RILPL1: variants seen among roughly 807,000 people sequenced by gnomAD.
RILPL1 encodes Rab interacting lysosomal protein like 1.
A neutral mutation model predicts 50.3 loss-of-function variants in RILPL1; 33 were observed. The observed-to-expected ratio is 0.66, with a 90% CI of 0.50 to 0.88. RILPL1 has a LOEUF of 0.88. Among genes scored for constraint, RILPL1 ranks in the 40% least tolerant of loss-of-function variants. The probability of loss-of-function intolerance (pLI) is 0.00; values close to 1 mark genes in which losing one functional copy is unlikely to be tolerated. For synonymous variants in RILPL1, 205 were observed against 228.6 expected (o/e 0.90, Z 0.93); for missense variants, 418 against 542.5 (o/e 0.77, Z 2.28).
rs371685698 is a variant in RILPL1 at position 123,499,452 on chromosome 12, C to T, written c.545G>A (p.Arg182Lys). The T allele has an allele frequency of 5.6e-6, 9 of 1,613,968 alleles. No individual in the cohort carries two copies. Among genetic ancestry groups the T allele is most frequent in the Non-Finnish European group, 6.8e-6 (8 of 1,179,848 alleles). Residue 182 changes from arginine to lysine, a missense_variant, in exon 3 of 7, where the codon AGG becomes AAG. Coordinates refer to ENST00000376874, the MANE Select transcript of RILPL1 (RefSeq NM_178314.5). Reference sequence around the variant, plus strand: ...GTCCTCATTTTTCAGGCCCAGCTCCCTGTCCTTGGCGCGGATCTCGTCGCG... The same window carrying T: ...GTCCTCATTTTTCAGGCCCAGCTCCTTGTCCTTGGCGCGGATCTCGTCGCG... ...KQRDEIRAKD[R>K]ELGLKNEDVE...
intron 2 of RILPL1, among the ~76,000 whole-genome samples, chr12:123,504,585 C>T (rs1396931128): frequency 1.3e-5 from 2 of 152,126 alleles, no homozygotes; most frequent in Middle Eastern, 3.2e-3. Context: ...GGCCAGTGAA[C>T]GGGAACTGGT....
intron 4 of RILPL1, among the ~76,000 whole-genome samples, chr12:123,490,485 G>A (rs745711592): frequency 4.5e-4 from 68 of 152,236 alleles, no homozygotes; most frequent in Admixed American, 1.9e-3. Context: ...TAGAACCTGA[G>A]TTCTTTTTTT....
chr12:123,492,196 G>A (rs1330541024), intron 4 of RILPL1, among the ~76,000 whole-genome samples: 2 of 147,172 alleles, frequency 1.4e-5, no homozygotes, highest in Non-Finnish European at 3.0e-5. Flanking sequence ...ACTGCACCCC[G>A]GCCTGAGACC....
At chr12:123,525,978 C>T (rs1351006921) in intron 1 of RILPL1, among the ~76,000 whole-genome samples, 1 of 152,140 alleles carries the variant, frequency 6.6e-6, no homozygotes, top group Non-Finnish European at 1.5e-5. Flanking sequence ...CGTAAGCTAG[C>T]TCACAAAGCA....
intron 2 of RILPL1, among the ~76,000 whole-genome samples, chr12:123,500,536 C>T (rs1566126853): frequency 6.6e-6 from 1 of 151,858 alleles, no homozygotes; most frequent in Non-Finnish European, 1.5e-5. Context: ...CCGCCCACCT[C>T]GGCCTCCCGA....
chr12:123,485,281 A>G lies in RILPL1; in HGVS notation c.974+352T>C, dbSNP rs11522343. Reference sequence around the variant, plus strand: ...TAATGTAGGAGGTGAAAAGGGCCACATAGACCATTAACACCGGGGCCGGGT... The same window carrying G: ...TAATGTAGGAGGTGAAAAGGGCCACGTAGACCATTAACACCGGGGCCGGGT... On this transcript the variant is annotated intron_variant, in intron 5 of 6. Transcript: ENST00000376874. This position sits in a 1 kb window ranked among gnomAD's most constrained non-coding sequence, Gnocchi z 4.0. 63,192 of 464,240 alleles carry G rather than the reference A, an allele frequency of 0.14. 5,176 individuals carry two copies. Among genetic ancestry groups the G allele is most frequent in the Admixed American group, 0.18 (7,538 of 42,166 alleles). 28.8% of individuals were successfully genotyped at this position (464,240 alleles called of 1,614,324 possible).
chr12:123,505,904 C>T (rs138136039), intron 2 of RILPL1, among the ~76,000 whole-genome samples: 188 of 152,340 alleles, frequency 1.2e-3, no homozygotes, highest in African/African-American at 4.2e-3. Context: ...TGATGGCAGG[C>T]ATCAGCCACC....
rs534792589 is a variant in RILPL1, at chr12:123,525,244, G to T, written c.310-1599C>A. Among the ~76,000 whole-genome samples, 13 of 151,992 alleles carry T rather than the reference G, an allele frequency of 8.6e-5. No homozygotes were observed. In the East Asian group the frequency reaches 2.3e-3, roughly 27 times the overall value. On this transcript the variant is annotated intron_variant, in intron 1 of 6. Transcript: ENST00000376874. ...TTATTTATTTATTTTTAGAGACAGG[G>T]TCTTGTTCTGTCACCCAGGCTGGAG... is the stretch of plus-strand genomic sequence containing the variant.
intron 4 of RILPL1, among the ~76,000 whole-genome samples, chr12:123,494,706 C>T (rs552205730): frequency 6.6e-6 from 1 of 152,304 alleles, no homozygotes; most frequent in East Asian, 1.9e-4. Context: ...CAGCTTCCTT[C>T]CCACTGTCAT....
At chr12:123,525,148 A>ATAC (rs1433658769) in intron 1 of RILPL1, among the ~76,000 whole-genome samples, 1 of 151,750 alleles carries the variant, frequency 6.6e-6, no homozygotes, top group East Asian at 1.9e-4. Flanking sequence ...AATAATAATA[A>ATAC]TAAATAAAAT....
chr12:123,523,468 C>T, intron 2 of RILPL1, 27 bp downstream of exon 2: 1 of 1,613,568 alleles, frequency 6.2e-7, no homozygotes, highest in East Asian at 2.2e-5. Context: ...GGCCGGCCCC[C>T]TTGCATTGGC....
rs4078291 is a variant in RILPL1, at chr12:123,491,038, C to T, written c.802-5233G>A. On this transcript the variant is annotated intron_variant, in intron 4 of 6. Transcript: ENST00000376874. The surrounding 1 kb of genome is among the most constrained non-coding windows in gnomAD (Gnocchi z 4.0). The stretch of plus-strand genomic sequence containing the variant: ...GTGTTGGGATTACAGGCGTGAGCCA[C>T]CATGCCCGCCCTGACTTCTAATACT... Among the ~76,000 whole-genome samples the T allele has an allele frequency of 0.54, 81,904 of 152,116 alleles. 23,995 individuals are homozygous for T. The highest frequency in any genetic ancestry group is 0.99 in the East Asian group (5,105 of 5,180).
intron 2 of RILPL1, among the ~76,000 whole-genome samples, chr12:123,520,296 C>T (rs11522337): frequency 0.54 from 81,468 of 152,080 alleles, 23,735 homozygotes; most frequent in East Asian, 0.9. Flanking sequence ...TGGTGGCTCA[C>T]GCCTGTAATC....
chr12:123,528,870 C>T (rs553691494), intron 1 of RILPL1, among the ~76,000 whole-genome samples: 32 of 152,236 alleles, frequency 2.1e-4, no homozygotes, highest in African/African-American at 7.7e-4. Flanking sequence ...GAATCTCATG[C>T]TGCCTCCATA....
chr12:123,506,029 A>G (rs1883724412), intron 2 of RILPL1, among the ~76,000 whole-genome samples: 1 of 152,202 alleles, frequency 6.6e-6, no homozygotes, highest in African/African-American at 2.4e-5. Context: ...TGGTTTACAG[A>G]TGTCAGACAG....
At chr12:123,523,670 G>A (rs189347926) in intron 1 of RILPL1, 25 bp from the exon 2 acceptor site, 444 of 1,608,456 alleles carry the variant, frequency 2.8e-4, no homozygotes, top group Admixed American at 7.6e-4. Context: ...GGACAGCATG[G>A]GGTCACTGCC....
chr12:123,528,373 G>T (rs1454513078), intron 1 of RILPL1, among the ~76,000 whole-genome samples: 1 of 128,834 alleles, frequency 7.8e-6, no homozygotes, highest in South Asian at 2.7e-4. Flanking sequence ...AAAAAAAAAA[G>T]ATAACACATT....
chr12:123,516,642 C>T (rs1176709138), intron 2 of RILPL1, among the ~76,000 whole-genome samples: 1 of 152,170 alleles, frequency 6.6e-6, no homozygotes, highest in East Asian at 1.9e-4. Flanking sequence ...TCCCAGCGAC[C>T]CAGAACCTTG....
rs2139384451 is a variant in RILPL1 at position 123,522,279 on chromosome 12, C to T, written c.460+1216G>A. ...GCGGGCAGGAAGCTGCAGGGCTGAGCAGAGCAGATGCCGCCCACAGCCCCG... is the reference window on the plus strand; with the variant it reads ...GCGGGCAGGAAGCTGCAGGGCTGAGTAGAGCAGATGCCGCCCACAGCCCCG... On this transcript the variant is annotated intron_variant, in intron 2 of 6. Coordinates refer to ENST00000376874, the MANE Select transcript of RILPL1 (RefSeq NM_178314.5). The surrounding 1 kb of genome is among the most constrained non-coding windows in gnomAD (Gnocchi z 4.0). 6.6e-6 allele frequency among the ~76,000 whole-genome samples: 1 copy of T among 152,324 alleles called. No homozygotes were observed. Among genetic ancestry groups the T allele is most frequent in the East Asian group, 1.9e-4 (1 of 5,184 alleles).
Sources: gnomAD v4.1 joint callset for allele counts (sites outside exome capture counted in the v4.1 genomes callset) on GRCh38, gnomAD v4.1.1 for gene constraint, Gnocchi (gnomAD v3.1) non-coding constraint, MANE v1.5 for transcripts, NCBI Gene and HGNC (gene_info 2026-07-23, HGNC 2026-07-21) for gene names.